The following RPP40 variants were observed in gnomAD, a reference collection of about 807,000 sequenced individuals.
RPP40 encodes ribonuclease P/MRP subunit p40.
Under a neutral mutation model 42.5 loss-of-function variants are expected in RPP40, and 30 were observed. That is an observed-to-expected ratio of 0.71 (90% CI 0.53 to 0.96). RPP40 has a LOEUF of 0.96. Among genes scored for constraint, RPP40 ranks in the 40% least tolerant of loss-of-function variants. The probability of loss-of-function intolerance (pLI) is 0.00; values close to 1 mark genes in which losing one functional copy is unlikely to be tolerated. For missense variants in RPP40, 426 were observed against 433.5 expected (o/e 0.98, Z 0.15); for synonymous variants, 173 against 164.0 (o/e 1.05, Z -0.42).
intron 2 of RPP40, chr6:5,001,893 T>A: frequency 2.0e-6 from 1 of 505,326 alleles, no homozygotes; most frequent in Non-Finnish European, 3.5e-6. Flanking sequence ...CATCCAACAC[T>A]TGTGGCCAAT....
downstream of RPP40, among the ~76,000 whole-genome samples, chr6:4,992,048 G>A (rs1759267590): frequency 6.6e-6 from 1 of 152,130 alleles, no homozygotes; most frequent in South Asian, 2.1e-4. Context: ...AGAAACGTGA[G>A]CCAATTAGGC....
At chr6:5,001,259 G>A in intron 2 of RPP40, 1 of 411,306 alleles carries the variant, frequency 2.4e-6, no homozygotes, top group South Asian at 1.8e-5. Context: ...GTTGTTGCAA[G>A]GGTTAAATTT....
In RPP40 at chr6:4,996,273, C is replaced by T. The variant is rs115150310; in HGVS notation, c.707G>A (p.Arg236Gln). Reference protein sequence around the residue: ...ELEGTPEVSCRALELFDWLGA... With the variant: ...ELEGTPEVSCQALELFDWLGA... Reference sequence around the variant, plus strand: ...GAGCCAGTCGAAGAGCTCCAGAGCCCGGCAGGACACCTCTGGCGTTCCCTC... The same window carrying T: ...GAGCCAGTCGAAGAGCTCCAGAGCCTGGCAGGACACCTCTGGCGTTCCCTC... Residue 236 changes from arginine to glutamine, a missense_variant, in exon 6 of 8, where the codon CGG (arginine) becomes CAG (glutamine). By Grantham distance (43) the Arg-to-Gln change is conservative. Transcript: ENST00000380051. The T allele has an allele frequency of 3.0e-4, 490 of 1,613,934 alleles. No individual in the cohort carries two copies. Among genetic ancestry groups the T allele is most frequent in the Non-Finnish European group, 3.9e-4 (458 of 1,180,038 alleles).
At chr6:4,998,649 A>C in intron 5 of RPP40, 67 bp downstream of exon 5, 5 of 1,101,958 alleles carry the variant, frequency 4.5e-6, no homozygotes, top group Non-Finnish European at 6.5e-6. Flanking sequence ...TCAATCCTCC[A>C]TTACTCCTCT....
intron 5 of RPP40, among the ~76,000 whole-genome samples, chr6:4,997,879 G>T (rs1177435982): frequency 2.0e-5 from 3 of 152,222 alleles, no homozygotes; most frequent in African/African-American, 7.2e-5. Context: ...AAAATAGTTA[G>T]GAGCTTTAGG....
intron 5 of RPP40, among the ~76,000 whole-genome samples, chr6:4,997,316 C>T (rs1190922803): frequency 2.6e-5 from 4 of 152,144 alleles, no homozygotes; most frequent in Admixed American, 6.5e-5. Flanking sequence ...ACCATCTACC[C>T]GGCTAGGGCC....
chr6:5,002,301 G>A, intron 1 of RPP40, 56 bp from the exon 2 acceptor site: 2 of 1,394,748 alleles, frequency 1.4e-6, no homozygotes, highest in South Asian at 1.5e-5. Context: ...GAACACCCAG[G>A]TTTTTAGGAA....
Position 4,996,433 on chromosome 6 carries a change from C to T in RPP40, c.560-13G>A. 1.9e-6 allele frequency: 3 copies of T among 1,611,008 alleles called. No individual in the cohort carries two copies. Among genetic ancestry groups the T allele is most frequent in the Non-Finnish European group, 1.7e-6 (2 of 1,179,690 alleles). Reference sequence around the variant, plus strand: ...GATTCTTCTGAACCTTAAAAACACACCACACAAGGCCATTTGAATCCATCT... The same window carrying T: ...GATTCTTCTGAACCTTAAAAACACATCACACAAGGCCATTTGAATCCATCT... On this transcript the variant is annotated splice_polypyrimidine_tract_variant and intron_variant, in intron 5 of 7. Transcript: ENST00000380051.
downstream of RPP40, among the ~76,000 whole-genome samples, chr6:4,993,117 A>G (rs1759283747): frequency 6.6e-6 from 1 of 152,192 alleles, no homozygotes; most frequent in African/African-American, 2.4e-5. Context: ...ACATTTACCC[A>G]TGTTGTTACT....
chr6:5,001,906 C>T (rs1759570199), intron 2 of RPP40, 195 bp downstream of exon 2: 1 of 525,186 alleles, frequency 1.9e-6, no homozygotes, highest in Non-Finnish European at 3.4e-6. Flanking sequence ...TGGCCAATTG[C>T]AATCAGAAAC....
At chr6:4,999,312 T>C (rs1759475571) in intron 4 of RPP40, among the ~76,000 whole-genome samples, 1 of 144,170 alleles carries the variant, frequency 6.9e-6, no homozygotes, top group African/African-American at 2.6e-5. Flanking sequence ...TTTTTTTTTT[T>C]TTTTTGAGAT....
At chr6:5,001,144 C>T (rs748822739) in intron 2 of RPP40, 22 of 456,612 alleles carry the variant, frequency 4.8e-5, no homozygotes, top group South Asian at 3.3e-4. Context: ...GATAAACATA[C>T]ACCTCTCAGA....
downstream of RPP40, among the ~76,000 whole-genome samples, chr6:4,993,043 A>C (rs9405250): frequency 0.3 from 45,060 of 151,796 alleles, 7,184 homozygotes; most frequent in African/African-American, 0.43. Flanking sequence ...CATATATTAT[A>C]AATCCTACAC....
At chr6:4,998,648 C>A in intron 5 of RPP40, 68 bp downstream of exon 5, 1 of 1,069,128 alleles carries the variant, frequency 9.4e-7, no homozygotes, top group East Asian at 2.5e-5. Context: ...TTCAATCCTC[C>A]ATTACTCCTC....
chr6:4,996,217 C>T lies in RPP40; in HGVS notation c.758+5G>A. 6.2e-7 allele frequency: 1 copy of T among 1,613,322 alleles called. No individual in the cohort carries two copies. The highest frequency in any genetic ancestry group is 1.7e-5 in the Admixed American group (1 of 60,026). Reference sequence around the variant, plus strand: ...CTGGAAGACACAGGGAGTTCAGATACCCACAGGTCGACATTACTGAAGACG... The same window carrying T: ...CTGGAAGACACAGGGAGTTCAGATATCCACAGGTCGACATTACTGAAGACG... On this transcript the variant is annotated splice_donor_5th_base_variant and intron_variant, in intron 6 of 7. Transcript: ENST00000380051.
In RPP40 at chr6:5,004,007, T is replaced by G. The variant is rs527407666; in HGVS notation, c.-5A>C. 3.7e-5 allele frequency: 59 copies of G among 1,594,902 alleles called. 1 individual carries two copies. In the South Asian group the frequency reaches 6.0e-4, roughly 16 times the overall value. On this transcript the variant is annotated 5_prime_UTR_variant, in exon 1 of 8. Transcript: ENST00000380051. Reference sequence around the variant, plus strand: ...AAGCCGGCGCAGCGTGGCCATGCTCTCCTGGGTTCCTGGTCCTCCCGGCCT... The same window carrying G: ...AAGCCGGCGCAGCGTGGCCATGCTCGCCTGGGTTCCTGGTCCTCCCGGCCT...
At chr6:5,001,049 G>C (rs1759541244) in intron 2 of RPP40, 1 of 458,884 alleles carries the variant, frequency 2.2e-6, no homozygotes, top group Non-Finnish European at 4.4e-6. Flanking sequence ...ATTTGTGCAA[G>C]TTTACTATCA....
At chr6:4,989,638 A>G in the RPP40 span, among the ~76,000 whole-genome samples, 2 of 151,982 alleles carry the variant, frequency 1.3e-5, no homozygotes, top group African/African-American at 2.4e-5. Flanking sequence ...AGTGTACAGT[A>G]TTTTTCTCAT....
rs1024956577 is a variant in RPP40 at position 4,996,235 on chromosome 6, T to C, written c.745A>G (p.Ser249Gly). The change falls in exon 6 of 8, where the codon AGT becomes GGT. Residue 249 changes from serine (S) to glycine (G), a missense_variant. Coordinates refer to ENST00000380051, the MANE Select transcript of RPP40 (RefSeq NM_006638.4). ...TCAGATACCCACAGGTCGACATTAC[T>C]GAAGACGGCGCCGAGCCAGTCGAAG... is the stretch of plus-strand genomic sequence containing the variant. Reference protein sequence around the residue: ...ELFDWLGAVFSNVDLNNEPNN... With the variant: ...ELFDWLGAVFGNVDLNNEPNN... The C allele has an allele frequency of 1.2e-6, 2 of 1,613,852 alleles. No individual in the cohort carries two copies. Among genetic ancestry groups the C allele is most frequent in the Non-Finnish European group, 1.7e-6 (2 of 1,179,918 alleles).
Sources: gnomAD v4.1 joint callset for allele counts (sites outside exome capture counted in the v4.1 genomes callset) on GRCh38, gnomAD v4.1.1 for gene constraint, MANE v1.5 for transcripts, NCBI Gene and HGNC (gene_info 2026-07-23, HGNC 2026-07-21) for gene names.